RNGTT: variants seen among roughly 807,000 people sequenced by gnomAD.
RNGTT encodes mRNA-capping enzyme.
In RNGTT, 33 loss-of-function variants were observed where a neutral mutation model predicts 79.3. That is an observed-to-expected ratio of 0.42 (90% CI 0.32 to 0.56). The LOEUF (loss-of-function observed/expected upper bound fraction) is 0.56, where lower values mean the gene tolerates loss of function less well. RNGTT is among the 20% of genes least tolerant of loss of function. RNGTT has a pLI of 0.17. For missense variants in RNGTT, 497 were observed against 739.1 expected (o/e 0.67, Z 3.80); for synonymous variants, 222 against 235.9 (o/e 0.94, Z 0.54).
At chr6:88,719,996 A>G (rs1384216122) in intron 13 of RNGTT, among the ~76,000 whole-genome samples, 1 of 152,220 alleles carries the variant, frequency 6.6e-6, no homozygotes, top group Non-Finnish European at 1.5e-5. Context: ...ACAGTAAAGA[A>G]TAAAAACACA....
chr6:88,698,269 G>GATATATGTTTCATATATATATC lies in RNGTT; in HGVS notation c.1440-19851_1440-19850insGATATATATATGAAACATATAT, dbSNP rs1562202342. Among the ~76,000 whole-genome samples the GATATATGTTTCATATATATATC allele has an allele frequency of 8.2e-4, 63 of 77,150 alleles. 1 individual carries two copies. The African/African-American group carries it at 8.8e-3, about 11-fold the overall frequency. 50.6% of individuals were successfully genotyped at this position (77,150 alleles called of 152,430 possible). A position where few individuals can be genotyped will look rare whatever the true frequency, so the allele number is the denominator to read the frequency against. On this transcript the variant is annotated intron_variant, in intron 13 of 15. Transcript: ENST00000369485. ...ATGAAATATATATATAAATATATAT[G>GATATATGTTTCATATATATATC]ATATATATATTTCATATATATCATA...
At chr6:88,938,483 C>T (rs931987238) in intron 2 of RNGTT, among the ~76,000 whole-genome samples, 33 of 152,142 alleles carry the variant, frequency 2.2e-4, no homozygotes, top group African/African-American at 7.5e-4. Flanking sequence ...TATATCCATT[C>T]GGCCAGTTTA....
chr6:88,705,326 G>T (rs542226981), intron 13 of RNGTT, among the ~76,000 whole-genome samples: 1 of 151,792 alleles, frequency 6.6e-6, no homozygotes, highest in South Asian at 2.1e-4. Context: ...CTAACCAGTG[G>T]TATAATGTCA....
At chr6:88,798,090 G>C (rs546394132) in intron 12 of RNGTT, among the ~76,000 whole-genome samples, 1 of 152,070 alleles carries the variant, frequency 6.6e-6, no homozygotes, top group South Asian at 2.1e-4. Context: ...ATCATGGATA[G>C]GCATTACCAT....
At chr6:88,674,123 A>G (rs1011157073) in intron 14 of RNGTT, among the ~76,000 whole-genome samples, 1 of 152,374 alleles carries the variant, frequency 6.6e-6, no homozygotes, top group East Asian at 1.9e-4. Context: ...TAGAAAAGTC[A>G]AGAGGTTCCA....
intron 4 of RNGTT, among the ~76,000 whole-genome samples, chr6:88,916,458 G>A (rs1192558370): frequency 1.3e-5 from 2 of 152,176 alleles, no homozygotes; most frequent in Non-Finnish European, 2.9e-5. Flanking sequence ...GGGTGAGAGT[G>A]AGACACTGTC....
chr6:88,745,504 G>GA (rs1267795466), intron 13 of RNGTT, among the ~76,000 whole-genome samples: 5 of 152,148 alleles, frequency 3.3e-5, no homozygotes, highest in African/African-American at 1.2e-4. Context: ...CACTGATGTT[G>GA]AAATGACAAC....
chr6:88,741,002 C>T (rs547475413), intron 13 of RNGTT, among the ~76,000 whole-genome samples: 53 of 152,180 alleles, frequency 3.5e-4, no homozygotes, highest in Non-Finnish European at 4.7e-4. Flanking sequence ...TTGATGAGAA[C>T]GTAAATTAGT....
intron 12 of RNGTT, among the ~76,000 whole-genome samples, chr6:88,773,498 TA>T (rs57587069): frequency 0.079 from 11,218 of 141,334 alleles, 535 homozygotes; most frequent in Middle Eastern, 0.13. Flanking sequence ...AAATTATTGG[TA>T]AAAAAAAAAA....
chr6:88,851,170 C>G (rs1781657725), intron 9 of RNGTT, among the ~76,000 whole-genome samples: 1 of 149,086 alleles, frequency 6.7e-6, no homozygotes, highest in African/African-American at 2.5e-5. Context: ...TAAATTGTAT[C>G]TCAATTTTTT....
At chr6:88,904,634 C>A in intron 6 of RNGTT, 81 bp downstream of exon 6, 2 of 1,424,132 alleles carry the variant, frequency 1.4e-6, no homozygotes, top group East Asian at 4.7e-5. Flanking sequence ...AGAAACATGG[C>A]CAATATTCCA....
intron 14 of RNGTT, among the ~76,000 whole-genome samples, chr6:88,658,216 C>T (rs1330016441): frequency 2.0e-5 from 3 of 152,214 alleles, no homozygotes; most frequent in African/African-American, 4.8e-5. Flanking sequence ...AATTCCACCA[C>T]CTGCAACACC....
Position 88,847,169 on chromosome 6 carries a change from AT to A in RNGTT, c.1104+2585del, listed in dbSNP as rs879924820. ...TAAAACTGACAAAATAAAATATTAA[AT>A]TTTTTTTTAAGTTCTCCTGTGTTCT... On this transcript the variant is annotated intron_variant, in intron 10 of 15. Coordinates refer to ENST00000369485, the MANE Select transcript of RNGTT (RefSeq NM_003800.5). Among the ~76,000 whole-genome samples the A allele has an allele frequency of 1.6e-3, 243 of 151,970 alleles. 1 individual carries two copies. The highest frequency in any genetic ancestry group is 6.6e-3 in the East Asian group (34 of 5,188).
At chr6:88,642,527 C>A (rs575634612) in intron 14 of RNGTT, among the ~76,000 whole-genome samples, 1 of 152,170 alleles carries the variant, frequency 6.6e-6, no homozygotes, top group Non-Finnish European at 1.5e-5. Context: ...TTAAAATGCA[C>A]TCTTGCATGT....
chr6:88,698,778 A>C (rs975973), intron 13 of RNGTT, among the ~76,000 whole-genome samples: 40,200 of 152,078 alleles, frequency 0.26, 9,261 homozygotes, highest in African/African-American at 0.63. Context: ...TTCAACTAAA[A>C]GTTAAAAGTT....
intron 13 of RNGTT, among the ~76,000 whole-genome samples, chr6:88,698,260 AATAT>A (rs1229457522): frequency 1.0e-5 from 1 of 95,428 alleles, no homozygotes; most frequent in Non-Finnish European, 1.8e-5. Flanking sequence ...TATATATATA[AATAT>A]ATATGATATA....
At chr6:88,687,585 T>C (rs1351618062) in intron 13 of RNGTT, among the ~76,000 whole-genome samples, 3 of 152,106 alleles carry the variant, frequency 2.0e-5, no homozygotes, top group African/African-American at 7.2e-5. Context: ...AGTGGAATAA[T>C]ATGCAGCGGT....
At chr6:88,647,715 A>AAAAAAAAAAAAAAAAG (rs531898293) in intron 14 of RNGTT, among the ~76,000 whole-genome samples, 2 of 142,510 alleles carry the variant, frequency 1.4e-5, no homozygotes, top group African/African-American at 3.0e-5. Context: ...AAAAAAAAAA[A>AAAAAAAAAAAAAAAAG]AAGAAGAAGA....
At chr6:88,717,547 G>T (rs1050000319) in intron 13 of RNGTT, among the ~76,000 whole-genome samples, 2 of 152,172 alleles carry the variant, frequency 1.3e-5, no homozygotes, top group Admixed American at 1.3e-4. Context: ...AAGGAGAGAA[G>T]GTGGCAGTCT....
Sources: gnomAD v4.1 joint callset for allele counts (sites outside exome capture counted in the v4.1 genomes callset) on GRCh38, gnomAD v4.1.1 for gene constraint, MANE v1.5 for transcripts, NCBI Gene and HGNC (gene_info 2026-07-23, HGNC 2026-07-21) for gene names.